Variants in BCAS3 observed in about 807,000 individuals in gnomAD.
BCAS3 encodes BCAS4/BCAS3 fusion.
Under a neutral mutation model 116.1 loss-of-function variants are expected in BCAS3, and 53 were observed. The ratio of observed to expected loss-of-function variants is 0.46; its 90% confidence interval spans 0.37 to 0.57. The LOEUF (loss-of-function observed/expected upper bound fraction) is 0.57. BCAS3 is among the 20% of genes least tolerant of loss of function. BCAS3 has a pLI of 0.00. For missense variants in BCAS3, 917 were observed against 1,165.4 expected, an observed-to-expected ratio of 0.79 and a Z score of 3.10; for synonymous variants, 391 against 408.2, an observed-to-expected ratio of 0.96 and a Z score of 0.51.
Position 60,699,199 on chromosome 17 carries a change from GTTTA to G in BCAS3, c.214+9451_214+9454del, listed in dbSNP as rs764772176. 1.6e-3 allele frequency among the ~76,000 whole-genome samples: 240 copies of G among 150,730 alleles called. 2 individuals are homozygous for G. The highest frequency in any genetic ancestry group is 1.1e-3 in the African/African-American group (44 of 40,154). ...CATAGAAACTTATAAAACACCATTT[GTTTA>G]TTTATTTATTTACTTATTTATTTAT... is the stretch of plus-strand genomic sequence containing the variant. On this transcript the variant is annotated intron_variant, in intron 4 of 23. Coordinates refer to ENST00000407086, the MANE Select transcript of BCAS3 (RefSeq NM_017679.5).
intron 6 of BCAS3, among the ~76,000 whole-genome samples, chr17:60,759,204 T>C (rs2043279110): frequency 6.6e-6 from 1 of 152,202 alleles, no homozygotes; most frequent in Admixed American, 6.5e-5. Flanking sequence ...TTTCAGTTTC[T>C]AAAAATTCGT....
At chr17:60,896,733 G>A (rs1239594520) in intron 10 of BCAS3, among the ~76,000 whole-genome samples, 2 of 151,424 alleles carry the variant, frequency 1.3e-5, no homozygotes, top group African/African-American at 2.4e-5. Context: ...GGTAAGGTAA[G>A]TTTCTTGTAA....
chr17:61,035,994 G>A (rs111722833), intron 17 of BCAS3, among the ~76,000 whole-genome samples: 6,241 of 152,170 alleles, frequency 0.041, 464 homozygotes, highest in African/African-American at 0.14. Context: ...AACTGAACTC[G>A]CACCTAAGGA....
chr17:61,194,417 A>G (rs2080349045), intron 22 of BCAS3, among the ~76,000 whole-genome samples: 1 of 152,142 alleles, frequency 6.6e-6, no homozygotes, highest in Non-Finnish European at 1.5e-5. Flanking sequence ...AAGCAATTCT[A>G]GCCCTCAAGC....
At chr17:60,722,920 G>A (rs2039407302) in intron 5 of BCAS3, among the ~76,000 whole-genome samples, 1 of 151,978 alleles carries the variant, frequency 6.6e-6, no homozygotes, top group African/African-American at 2.4e-5. Flanking sequence ...ATGTGCCTGT[G>A]GTTCCAGCAA....
intron 22 of BCAS3, among the ~76,000 whole-genome samples, chr17:61,115,640 A>G (rs9916466): frequency 0.98 from 123,256 of 126,222 alleles, 60,294 homozygotes; most frequent in East Asian, 1. Context: ...TACACTGTTG[A>G]TGGGACTGTA....
Position 61,314,295 on chromosome 17 carries a change from C to T in BCAS3, c.2426-54032C>T, listed in dbSNP as rs114135390. 2.7e-3 allele frequency among the ~76,000 whole-genome samples: 410 copies of T among 152,334 alleles called. 1 individual carries two copies. Among genetic ancestry groups the T allele is most frequent in the African/African-American group, 9.5e-3 (395 of 41,578 alleles). On this transcript the variant is annotated intron_variant, in intron 22 of 23. Coordinates refer to ENST00000407086, the MANE Select transcript of BCAS3 (RefSeq NM_017679.5). ...CCCTTTGCTCCCACAAACCTAAAAG[C>T]CCTCGGTCCTTCTCCTCTTTTACAG... is the stretch of plus-strand genomic sequence containing the variant.
chr17:61,148,172 T>TCA (rs769902655), intron 22 of BCAS3, among the ~76,000 whole-genome samples: 16 of 151,922 alleles, frequency 1.1e-4, no homozygotes, highest in Middle Eastern at 3.4e-3. Flanking sequence ...TTAATACATC[T>TCA]CACACACACA....
intron 22 of BCAS3, among the ~76,000 whole-genome samples, chr17:61,271,320 G>T (rs963207040): frequency 6.8e-6 from 1 of 146,538 alleles, no homozygotes; most frequent in Non-Finnish European, 1.5e-5. Context: ...GTAGAGATGG[G>T]TTTCACCATG....
At position 61,020,515 on chromosome 17, in the gene BCAS3, C is replaced by G. The variant is rs1375410262; in HGVS notation, c.1637+4614C>G. Among the ~76,000 whole-genome samples, 1 of 152,166 alleles carries G rather than the reference C, an allele frequency of 6.6e-6. No individual in the cohort carries two copies. The highest frequency in any genetic ancestry group is 1.5e-5 in the Non-Finnish European group (1 of 68,008). On this transcript the variant is annotated intron_variant, in intron 16 of 23. Coordinates refer to ENST00000407086, the MANE Select transcript of BCAS3 (RefSeq NM_017679.5). This position sits in a 1 kb window ranked among gnomAD's most constrained non-coding sequence, Gnocchi z 4.5. ...CAATAATCACCCATTCAAACAGACTCTGTTTTCTTTCAGTTTAAGACTGGA... is the reference window on the plus strand; with the variant it reads ...CAATAATCACCCATTCAAACAGACTGTGTTTTCTTTCAGTTTAAGACTGGA...
intron 13 of BCAS3, among the ~76,000 whole-genome samples, chr17:60,930,525 C>T (rs750296445): frequency 2.6e-5 from 4 of 151,450 alleles, no homozygotes; most frequent in South Asian, 2.1e-4. Flanking sequence ...AGTGTGATCT[C>T]GGCTCACCAC....
intron 10 of BCAS3, among the ~76,000 whole-genome samples, chr17:60,901,042 C>G (rs759038117): frequency 6.6e-6 from 1 of 151,806 alleles, no homozygotes; most frequent in Admixed American, 6.6e-5. Flanking sequence ...AACCTCGTCT[C>G]TACTAAAAAT....
intron 5 of BCAS3, among the ~76,000 whole-genome samples, chr17:60,726,242 C>T (rs2039840028): frequency 7.2e-6 from 1 of 139,674 alleles, no homozygotes; most frequent in Non-Finnish European, 1.5e-5. Context: ...ACTCTGTTGC[C>T]CAGGCTGGAG....
rs1475862003 is a variant in BCAS3 at position 61,004,843 on chromosome 17, G to A, written c.1487-10908G>A. 1.3e-5 allele frequency among the ~76,000 whole-genome samples: 2 copies of A among 152,054 alleles called. No homozygotes were observed. The highest frequency in any genetic ancestry group is 2.9e-5 in the Non-Finnish European group (2 of 67,992). On this transcript the variant is annotated intron_variant, in intron 15 of 23. Coordinates refer to ENST00000407086, the MANE Select transcript of BCAS3 (RefSeq NM_017679.5). The surrounding 1 kb of genome is among the most constrained non-coding windows in gnomAD (Gnocchi z 4.8). ...AATTAACATGGGCACTGTTGTTGTT[G>A]GCTTCAGAAGAAATAGAGCATTCCA...
At chr17:61,253,880 A>G (rs1415211362) in intron 22 of BCAS3, among the ~76,000 whole-genome samples, 3 of 152,174 alleles carry the variant, frequency 2.0e-5, no homozygotes, top group Non-Finnish European at 4.4e-5. Context: ...AAGCGCAGAA[A>G]GAAAAAGTGA....
chr17:61,027,766 T>G (rs908084701), intron 16 of BCAS3, among the ~76,000 whole-genome samples: 3 of 151,998 alleles, frequency 2.0e-5, no homozygotes, highest in East Asian at 3.9e-4. Flanking sequence ...ACCTATGTAA[T>G]GGACTCACTA....
intron 10 of BCAS3, among the ~76,000 whole-genome samples, chr17:60,899,019 A>T (rs970136086): frequency 6.6e-6 from 1 of 151,918 alleles, no homozygotes; most frequent in African/African-American, 2.4e-5. Context: ...CTGGGTTATG[A>T]GTTCTGTCTT....
At chr17:60,720,723 A>G (rs975872203) in intron 5 of BCAS3, among the ~76,000 whole-genome samples, 1 of 152,238 alleles carries the variant, frequency 6.6e-6, no homozygotes, top group African/African-American at 2.4e-5. Context: ...TTTAAAGTAT[A>G]TAGGAGGATG....
chr17:61,011,003 T>TTGTC (rs1686510195), intron 15 of BCAS3, among the ~76,000 whole-genome samples: 1 of 152,004 alleles, frequency 6.6e-6, no homozygotes, highest in South Asian at 2.1e-4. Context: ...CTCATGGCAT[T>TTGTC]TGTCACTTAC....
Sources: allele counts gnomAD v4.1 joint callset (sites outside exome capture counted in the v4.1 genomes callset), GRCh38; gene constraint gnomAD v4.1.1; non-coding constraint Gnocchi (gnomAD v3.1); transcripts MANE v1.5; gene names NCBI Gene and HGNC (gene_info 2026-07-23, HGNC 2026-07-21).